The following NCALD variants were observed in gnomAD, a reference collection of about 807,000 sequenced individuals.
NCALD encodes neurocalcin-delta.
NCALD carries 10 observed loss-of-function variants against 18.6 expected under a neutral mutation model. The observed-to-expected ratio is 0.54, with a 90% CI of 0.33 to 0.91. NCALD has a LOEUF of 0.91. Ranked by LOEUF, NCALD falls within the 40% of genes least tolerant of loss-of-function variation. The pLI, the probability that NCALD is intolerant of heterozygous loss-of-function variation, is 0.03. For missense variants in NCALD, 184 were observed against 247.6 expected (o/e 0.74, Z 1.72); for synonymous variants, 88 against 87.4 (o/e 1.01, Z -0.04).
intron 2 of NCALD, among the ~76,000 whole-genome samples, chr8:101,972,854 G>T (rs1025644167): frequency 1.3e-5 from 2 of 152,168 alleles, no homozygotes; most frequent in Admixed American, 1.3e-4. Flanking sequence ...CCCCAGAACT[G>T]CATAGGGTAA....
At chr8:101,702,244 T>G (rs78220107) in intron 2 of NCALD, among the ~76,000 whole-genome samples, 1 of 152,056 alleles carries the variant, frequency 6.6e-6, no homozygotes, top group Non-Finnish European at 1.5e-5. Context: ...TTTTTTTTTT[T>G]CTTTGAGACA....
At chr8:102,061,012 G>A (rs796090121) in intron 1 of NCALD, among the ~76,000 whole-genome samples, 20 of 152,280 alleles carry the variant, frequency 1.3e-4, no homozygotes, top group African/African-American at 4.1e-4. Flanking sequence ...TTCAGACTTA[G>A]AGATGTCCCA....
At chr8:101,842,281 A>G (rs1310884508) in intron 4 of NCALD, among the ~76,000 whole-genome samples, 1 of 152,174 alleles carries the variant, frequency 6.6e-6, no homozygotes, top group Non-Finnish European at 1.5e-5. Flanking sequence ...TAGGACTTCA[A>G]CTTATGAATT....
intron 2 of NCALD, among the ~76,000 whole-genome samples, chr8:101,695,706 C>CTCTCATA (rs1349860547): frequency 6.6e-6 from 1 of 152,158 alleles, no homozygotes; most frequent in Non-Finnish European, 1.5e-5. Context: ...AACCCAACCT[C>CTCTCATA]TCTCATATCA....
chr8:101,708,841 G>A (rs146489080), intron 2 of NCALD, among the ~76,000 whole-genome samples: 1,865 of 152,230 alleles, frequency 0.012, 20 homozygotes, highest in Non-Finnish European at 0.016. Flanking sequence ...CAGTGACACC[G>A]CTGTGTTTGT....
chr8:101,752,592 ATC>A, intron 1 of NCALD, among the ~76,000 whole-genome samples: 1 of 152,234 alleles, frequency 6.6e-6, no homozygotes, highest in African/African-American at 2.4e-5. Flanking sequence ...ACATGAAATT[ATC>A]TTGTGCTCTT....
intron 3 of NCALD, among the ~76,000 whole-genome samples, chr8:101,893,908 A>C (rs1817027101): frequency 6.8e-6 from 1 of 146,362 alleles, no homozygotes; most frequent in Non-Finnish European, 1.5e-5. Flanking sequence ...CCCACACATT[A>C]ATAATGGTAG....
chr8:101,956,424 T>A (rs530488589), intron 2 of NCALD, among the ~76,000 whole-genome samples: 1 of 152,242 alleles, frequency 6.6e-6, no homozygotes, highest in African/African-American at 2.4e-5. Context: ...ACTATCCAAG[T>A]CACAGTAATC....
At chr8:101,929,508 A>G (rs976995708) in intron 2 of NCALD, among the ~76,000 whole-genome samples, 2 of 35,658 alleles carry the variant, frequency 5.6e-5, no homozygotes, top group Non-Finnish European at 1.1e-4. Flanking sequence ...AAGGGAAGGG[A>G]AGGAGGGAGG....
At chr8:101,966,868 A>T (rs1820052312) in intron 2 of NCALD, among the ~76,000 whole-genome samples, 1 of 152,202 alleles carries the variant, frequency 6.6e-6, no homozygotes, top group African/African-American at 2.4e-5. Flanking sequence ...ACATTGCATA[A>T]TTAAACCATG....
At chr8:101,691,925 C>A in intron 3 of NCALD, 2 of 985,464 alleles carry the variant, frequency 2.0e-6, no homozygotes, top group Non-Finnish European at 2.4e-6. Flanking sequence ...GCAAGAGCTA[C>A]AGAGCCGGGC....
At chr8:101,824,304 C>T (rs965085636) in intron 4 of NCALD, among the ~76,000 whole-genome samples, 7 of 152,110 alleles carry the variant, frequency 4.6e-5, no homozygotes, top group Admixed American at 2.0e-4. Context: ...TGGGGCCCAA[C>T]GCTGTGTCCA....
At chr8:101,867,036 C>T (rs911160216) in intron 4 of NCALD, among the ~76,000 whole-genome samples, 5 of 152,166 alleles carry the variant, frequency 3.3e-5, no homozygotes, top group Non-Finnish European at 7.4e-5. Context: ...TCTCTCTGCT[C>T]CAGCCACTCT....
intron 1 of NCALD, among the ~76,000 whole-genome samples, chr8:102,070,933 C>G (rs922774469): frequency 6.6e-6 from 1 of 152,072 alleles, no homozygotes; most frequent in African/African-American, 2.4e-5. Flanking sequence ...AATAACATTG[C>G]TTTTTGGAAT....
At chr8:101,808,616 T>C (rs1813194428) in intron 4 of NCALD, among the ~76,000 whole-genome samples, 1 of 152,218 alleles carries the variant, frequency 6.6e-6, no homozygotes, top group Non-Finnish European at 1.5e-5. Flanking sequence ...ATATGTCATG[T>C]GGTAGCTTCC....
chr8:101,727,455 C>A (rs1028582692), intron 1 of NCALD, among the ~76,000 whole-genome samples: 5 of 152,126 alleles, frequency 3.3e-5, no homozygotes, highest in Admixed American at 1.3e-4. Flanking sequence ...TAATGAGTAA[C>A]CTTTTATAAA....
intron 4 of NCALD, among the ~76,000 whole-genome samples, chr8:101,846,142 G>A (rs553617288): frequency 6.6e-6 from 1 of 152,296 alleles, no homozygotes; most frequent in East Asian, 1.9e-4. Context: ...ACATGGGAGT[G>A]CAGATACCTC....
At chr8:101,873,684 C>T (rs891072037) in intron 4 of NCALD, among the ~76,000 whole-genome samples, 1 of 152,160 alleles carries the variant, frequency 6.6e-6, no homozygotes. Context: ...ATGGAAATGA[C>T]TTGGACCTAG....
intron 1 of NCALD, among the ~76,000 whole-genome samples, chr8:102,054,008 T>G (rs1823543770): frequency 6.6e-6 from 1 of 152,248 alleles, no homozygotes; most frequent in South Asian, 2.1e-4. Context: ...GTTTGAAATC[T>G]TTCTTTCTAA....
Sources: gnomAD v4.1 joint callset for allele counts (sites outside exome capture counted in the v4.1 genomes callset) on GRCh38, gnomAD v4.1.1 for gene constraint, MANE v1.5 for transcripts, NCBI Gene and HGNC (gene_info 2026-07-23, HGNC 2026-07-21) for gene names.